Variants in ARHGEF9 observed in about 807,000 individuals in gnomAD.
The protein encoded by ARHGEF9 is rho guanine nucleotide exchange factor 9.
A neutral mutation model predicts 41.3 loss-of-function variants in ARHGEF9; 2 were observed. The ratio of observed to expected loss-of-function variants is 0.05; its 90% confidence interval spans 0.02 to 0.15. The LOEUF (loss-of-function observed/expected upper bound fraction) is 0.15, where lower values mean the gene tolerates loss of function less well. Among genes scored for constraint, ARHGEF9 ranks in the 10% least tolerant of loss-of-function variants. The pLI is 1.00. For missense variants in ARHGEF9, 225 were observed against 424.7 expected (o/e 0.53, Z 4.13); for synonymous variants, 160 against 154.4 (o/e 1.04, Z -0.27).
intron 6 of ARHGEF9, among the ~76,000 whole-genome samples, chrX:63,673,623 A>G (rs2050090133): frequency 9.0e-6 from 1 of 111,366 alleles, no homozygotes; most frequent in African/African-American, 3.3e-5. Context: ...CCGATAAAAA[A>G]AAAAGTATGT....
intron 7 of ARHGEF9, among the ~76,000 whole-genome samples, chrX:63,662,089 T>A (rs782185789): frequency 1.3e-4 from 14 of 111,633 alleles, no homozygotes; most frequent in Non-Finnish European, 2.5e-4. Context: ...TAAGATGAGA[T>A]TAATGAGTAC....
chrX:63,736,923 A>AAATTAAATAAC (rs2054647088), intron 1 of ARHGEF9: 1 of 111,972 alleles, frequency 8.9e-6, no homozygotes, highest in African/African-American at 3.2e-5. Flanking sequence ...CACAAAATAG[A>AAATTAAATAAC]AATTAAATAA....
intron 1 of ARHGEF9, among the ~76,000 whole-genome samples, chrX:63,757,427 C>T (rs2055955050): frequency 9.0e-6 from 1 of 111,285 alleles, no homozygotes; most frequent in African/African-American, 3.3e-5. Flanking sequence ...CTTAAAAAGT[C>T]CCAAATTGAA....
intron 1 of ARHGEF9, among the ~76,000 whole-genome samples, chrX:63,748,274 C>A (rs1385151532): frequency 2.7e-5 from 3 of 111,639 alleles, no homozygotes; most frequent in Middle Eastern, 4.2e-3. Flanking sequence ...TTTGAATCAA[C>A]GACTCGAATG....
chrX:63,739,547 A>T (rs2054825968), intron 1 of ARHGEF9, among the ~76,000 whole-genome samples: 1 of 111,587 alleles, frequency 9.0e-6, no homozygotes, highest in African/African-American at 3.3e-5. Flanking sequence ...GCCAGAGTAC[A>T]TTGGGTTGGG....
At chrX:63,781,760 A>G (rs782330229) in intron 1 of ARHGEF9, among the ~76,000 whole-genome samples, 3 of 111,783 alleles carry the variant, frequency 2.7e-5, no homozygotes, top group Admixed American at 9.5e-5. Flanking sequence ...ATGGCTCCCA[A>G]TCTCACTCAG....
rs1556295087 is a variant in ARHGEF9, at chrX:63,635,155, GC to G, written c.*2872del. On this transcript the variant is annotated 3_prime_UTR_variant, in exon 10 of 10. Transcript: ENST00000671741. ...AGCAAGGGTAATCAAAGTCACTGTT[GC>G]CCATCCATCCACCCCAGCCCACCCC... is the stretch of plus-strand genomic sequence containing the variant. 2.6e-6 allele frequency: 1 copy of G among 391,872 alleles called. No homozygotes were observed. The highest frequency in any genetic ancestry group is 5.5e-5 in the Admixed American group (1 of 18,210). The allele number at this position is 391,872 out of a possible 1,213,427, so 32.3% of individuals were successfully genotyped here. A position where few individuals can be genotyped will look rare whatever the true frequency, so the allele number is the denominator to read the frequency against.
At chrX:63,660,962 C>T (rs1189286229) in intron 7 of ARHGEF9, among the ~76,000 whole-genome samples, 1 of 111,905 alleles carries the variant, frequency 8.9e-6, no homozygotes, top group East Asian at 2.8e-4. Flanking sequence ...TCCACTGTTC[C>T]CCACTACCTC....
intron 2 of ARHGEF9, among the ~76,000 whole-genome samples, chrX:63,722,438 G>T (rs2053688554): frequency 1.0e-5 from 1 of 99,596 alleles, no homozygotes; most frequent in African/African-American, 3.7e-5. Flanking sequence ...TGCTACTGAA[G>T]TGATTCTGTT....
At chrX:63,649,566 A>G (rs2048389469) in intron 8 of ARHGEF9, among the ~76,000 whole-genome samples, 1 of 111,950 alleles carries the variant, frequency 8.9e-6, no homozygotes, top group Non-Finnish European at 1.9e-5. Flanking sequence ...AAAAGGTAGC[A>G]GAATGCAAGA....
chrX:63,683,434 T>C (rs782206407), intron 4 of ARHGEF9, among the ~76,000 whole-genome samples: 2 of 111,614 alleles, frequency 1.8e-5, no homozygotes, highest in South Asian at 3.8e-4. Context: ...CAAAGTGATA[T>C]AGAGATTCAA....
At chrX:63,684,729 T>TTA (rs1376029596) in intron 4 of ARHGEF9, among the ~76,000 whole-genome samples, 3 of 109,744 alleles carry the variant, frequency 2.7e-5, no homozygotes, top group South Asian at 3.9e-4. Context: ...TTTAATTTAT[T>TTA]TATATATATA....
Position 63,655,397 on chromosome X carries a change from C to G in ARHGEF9, c.1321+97G>C. 3 of 1,161,076 alleles carry G rather than the reference C, an allele frequency of 2.6e-6. No individual in the cohort carries two copies. The Admixed American group carries it at 6.7e-5, about 26-fold the overall frequency. ...CAAAGTAGCTTAAGTCAGTTTGCAA[C>G]AGAAATCTTCCCTCTGACTCCAAGA... On this transcript the variant is annotated intron_variant, in intron 8 of 9. Transcript: ENST00000671741.
At chrX:63,679,392 A>C (rs2050474319) in intron 4 of ARHGEF9, among the ~76,000 whole-genome samples, 1 of 111,885 alleles carries the variant, frequency 8.9e-6, no homozygotes, top group South Asian at 3.7e-4. Flanking sequence ...CAAGTACTTA[A>C]TAAAAGATAA....
At chrX:63,675,470 A>G (rs186017128) in intron 5 of ARHGEF9, among the ~76,000 whole-genome samples, 1 of 112,055 alleles carries the variant, frequency 8.9e-6, no homozygotes, top group Non-Finnish European at 1.9e-5. Flanking sequence ...CTCACTGACT[A>G]GCAGTATGGC....
intron 1 of ARHGEF9, among the ~76,000 whole-genome samples, chrX:63,728,027 A>G (rs782199951): frequency 9.0e-6 from 1 of 111,728 alleles, no homozygotes; most frequent in African/African-American, 3.3e-5. Context: ...TTTGTAGGGT[A>G]TAAAACACTG....
At chrX:63,728,694 G>A (rs1442081468) in intron 1 of ARHGEF9, among the ~76,000 whole-genome samples, 1 of 112,289 alleles carries the variant, frequency 8.9e-6, no homozygotes, top group Non-Finnish European at 1.9e-5. Flanking sequence ...GTTATAGAGA[G>A]GGTGAACTCA....
At chrX:63,655,466 T>C in intron 8 of ARHGEF9, 28 bp downstream of exon 8, 3 of 1,210,330 alleles carry the variant, frequency 2.5e-6, no homozygotes, top group Middle Eastern at 4.6e-4. Context: ...CATAGCCATG[T>C]TCTTCTTTCT....
rs1397643794 is a variant in ARHGEF9, at chrX:63,739,930, G to A, written c.31-15219C>T. On this transcript the variant is annotated intron_variant, in intron 1 of 9. Transcript: ENST00000671741. ...GGGTCAGGAGAACTTTGCCCACAAT[G>A]TCTGCAGCAGGGGGAAACTTGAACT... Among the ~76,000 whole-genome samples, 5 of 111,964 alleles carry A rather than the reference G, an allele frequency of 4.5e-5. No individual in the cohort carries two copies. The Admixed American group carries it at 4.7e-4, about 11-fold the overall frequency.
Sources: gnomAD v4.1 joint callset for allele counts (sites outside exome capture counted in the v4.1 genomes callset) on GRCh38, gnomAD v4.1.1 for gene constraint, MANE v1.5 for transcripts, NCBI Gene and HGNC (gene_info 2026-07-23, HGNC 2026-07-21) for gene names.